FARP2: variants seen among roughly 807,000 people sequenced by gnomAD.
The protein encoded by FARP2 is FERM, ARHGEF and pleckstrin domain-containing protein 2.
In FARP2, 111 loss-of-function variants were observed where a neutral mutation model predicts 130.5. That is an observed-to-expected ratio of 0.85 (90% CI 0.73 to 1.00). FARP2 has a LOEUF of 1.00. Ranked by LOEUF, FARP2 falls within the 50% of genes least tolerant of loss-of-function variation. The pLI is 0.00. For synonymous variants in FARP2, 504 were observed against 516.9 expected (o/e 0.98, Z 0.34); for missense variants, 1,385 against 1,346.3 (o/e 1.03, Z -0.45).
intron 17 of FARP2, chr2:241,466,007 A>G: frequency 7.3e-7 from 1 of 1,360,868 alleles, no homozygotes; most frequent in Non-Finnish European, 9.5e-7. Flanking sequence ...AAATTGAAAT[A>G]TACACAAATC....
Position 241,404,609 on chromosome 2 carries a change from C to G in FARP2, c.289-190C>G, listed in dbSNP as rs540445654. ...AATTTTAACGTCTTCCCATGCTTCC[C>G]AAAGCAGGCATTGCTGTCCTTCTTG... On this transcript the variant is annotated intron_variant, in intron 3 of 26. Transcript: ENST00000264042. 7.8e-4 allele frequency among the ~76,000 whole-genome samples: 119 copies of G among 152,272 alleles called. 1 individual carries two copies. Among genetic ancestry groups the G allele is most frequent in the African/African-American group, 2.5e-3 (104 of 41,552 alleles).
intron 13 of FARP2, among the ~76,000 whole-genome samples, chr2:241,454,516 T>G (rs1281070829): frequency 2.0e-5 from 3 of 152,224 alleles, no homozygotes; most frequent in Admixed American, 1.3e-4. Context: ...CAAAGAAGAT[T>G]CTGGAACACA....
In FARP2 at chr2:241,492,992, G is replaced by A. The variant is rs753153835; in HGVS notation, c.2851G>A (p.Val951Ile). ...KNSHGWQKLW[V>I]VFTNFCLFFY... ...CAGTCATGGCTGGCAGAAGCTCTGGGTCGTCTTTACCAACTTCTGTTTGTT... is the reference window on the plus strand; with the variant it reads ...CAGTCATGGCTGGCAGAAGCTCTGGATCGTCTTTACCAACTTCTGTTTGTT... The change falls in exon 25 of 27, where the codon GTC (valine) becomes ATC (isoleucine). Residue 951 changes from valine to isoleucine, a missense_variant. Val to Ile is a conservative substitution (Grantham distance 29). Transcript: ENST00000264042. 1.2e-6 allele frequency: 2 copies of A among 1,612,582 alleles called. No individual in the cohort carries two copies. Among genetic ancestry groups the A allele is most frequent in the Non-Finnish European group, 1.7e-6 (2 of 1,178,638 alleles).
intron 26 of FARP2, 76 bp from the exon 27 acceptor site, chr2:241,493,932 C>A: frequency 2.1e-6 from 2 of 935,934 alleles, no homozygotes; most frequent in South Asian, 2.8e-5. Flanking sequence ...CTGCTTGTCC[C>A]ATATCCTGGG....
chr2:241,366,092 TAAAAAA>T (rs201202290), intron 1 of FARP2, among the ~76,000 whole-genome samples: 3 of 73,886 alleles, frequency 4.1e-5, no homozygotes, highest in South Asian at 4.5e-4. Flanking sequence ...TCATCACTAC[TAAAAAA>T]AAAAAAATAT....
Position 241,360,744 on chromosome 2 carries a change from A to C in FARP2, c.-25+4356A>C, listed in dbSNP as rs562213870. On this transcript the variant is annotated intron_variant, in intron 1 of 26. Transcript: ENST00000264042. ...ATTTGAAAAAGCTGATGAATAATGCAAATGGCTAAATTGAGAAAAATAACG... is the reference window on the plus strand; with the variant it reads ...ATTTGAAAAAGCTGATGAATAATGCCAATGGCTAAATTGAGAAAAATAACG... 6.6e-5 allele frequency among the ~76,000 whole-genome samples: 10 copies of C among 152,264 alleles called. 2 individuals are homozygous for C. The highest frequency in any genetic ancestry group is 2.4e-4 in the African/African-American group (10 of 41,548).
chr2:241,442,793 G>T, intron 13 of FARP2: 1 of 285,544 alleles, frequency 3.5e-6, no homozygotes, highest in Admixed American at 4.9e-5. Context: ...ATTAGTCTTT[G>T]TAGTTTATGT....
intron 2 of FARP2, among the ~76,000 whole-genome samples, chr2:241,382,292 ATTTTTTTT>A (rs772855102): frequency 7.9e-6 from 1 of 126,278 alleles, no homozygotes; most frequent in African/African-American, 2.9e-5. Context: ...TACAAAATCT[ATTTTTTTT>A]TTTTTTTTTT....
Position 241,483,475 on chromosome 2 carries a change from G to T in FARP2, c.2273G>T (p.Arg758Leu), listed in dbSNP as rs144542827. 6.2e-7 allele frequency: 1 copy of T among 1,614,170 alleles called. No homozygotes were observed. The highest frequency in any genetic ancestry group is 1.7e-5 in the Admixed American group (1 of 60,036). Residue 758 changes from arginine to leucine, a missense_variant, in exon 20 of 27, where the codon CGT (arginine) becomes CTT (leucine). Arg to Leu is a moderately radical substitution (Grantham distance 102, BLOSUM62 -2). Transcript: ENST00000264042. Reference protein sequence around the residue: ...NLIAPGREFIREGCLHKLTKK... With the variant: ...NLIAPGREFILEGCLHKLTKK... Reference sequence around the variant, plus strand: ...GTCTCTGTCTTTCAGGAGTTCATCCGTGAGGGCTGCCTTCACAAGCTCACC... The same window carrying T: ...GTCTCTGTCTTTCAGGAGTTCATCCTTGAGGGCTGCCTTCACAAGCTCACC...
chr2:241,385,988 CTA>C (rs1189659424), intron 2 of FARP2, among the ~76,000 whole-genome samples: 1 of 152,190 alleles, frequency 6.6e-6, no homozygotes, highest in Non-Finnish European at 1.5e-5. Flanking sequence ...AATGTCAACA[CTA>C]TGGTTATTTG....
intron 2 of FARP2, among the ~76,000 whole-genome samples, chr2:241,398,603 T>C (rs2062087103): frequency 6.6e-6 from 1 of 151,762 alleles, no homozygotes; most frequent in South Asian, 2.1e-4. Context: ...AGAGTCTTGC[T>C]TTGTCTCCCA....
chr2:241,438,087 G>A (rs1297381088), intron 12 of FARP2, among the ~76,000 whole-genome samples: 4 of 152,172 alleles, frequency 2.6e-5, no homozygotes, highest in Admixed American at 2.0e-4. Flanking sequence ...TGGATTATAG[G>A]CATGAGCCAC....
intron 1 of FARP2, among the ~76,000 whole-genome samples, chr2:241,360,153 T>C (rs2061155637): frequency 1.3e-5 from 2 of 152,156 alleles, no homozygotes; most frequent in Non-Finnish European, 2.9e-5. Flanking sequence ...TTTTCTCTCT[T>C]AGGAACTCCT....
intron 8 of FARP2, among the ~76,000 whole-genome samples, chr2:241,425,477 A>G (rs2062910868): frequency 6.6e-6 from 1 of 152,040 alleles, no homozygotes; most frequent in Non-Finnish European, 1.5e-5. Context: ...ACTCCCAGGA[A>G]GAAGAGAGAA....
chr2:241,484,456 C>A, intron 21 of FARP2, 125 bp downstream of exon 21: 1 of 738,670 alleles, frequency 1.4e-6, no homozygotes. Flanking sequence ...GAGTATTTGG[C>A]CGCACTGGGA....
chr2:241,463,199 G>T, intron 15 of FARP2, 136 bp from the exon 16 acceptor site: 1 of 814,682 alleles, frequency 1.2e-6, no homozygotes. Flanking sequence ...TGGCTGTAGT[G>T]CTGATCTGAA....
At chr2:241,493,874 G>A in intron 26 of FARP2, 134 bp from the exon 27 acceptor site, 1 of 571,770 alleles carries the variant, frequency 1.7e-6, no homozygotes, top group Non-Finnish European at 3.1e-6. Context: ...TGGGATTATA[G>A]GCATGAGCCA....
chr2:241,391,789 C>G lies in FARP2; in HGVS notation c.184-12039C>G, dbSNP rs893820441. On this transcript the variant is annotated intron_variant, in intron 2 of 26. Coordinates refer to ENST00000264042, the MANE Select transcript of FARP2 (RefSeq NM_014808.4). ...TTTCTCCCCACTCTTGGGGAAGAACCCTTTTTCCCAAGCTCAAGATGTTAA... is the reference window on the plus strand; with the variant it reads ...TTTCTCCCCACTCTTGGGGAAGAACGCTTTTTCCCAAGCTCAAGATGTTAA... Among the ~76,000 whole-genome samples, 5 of 152,068 alleles carry G rather than the reference C, an allele frequency of 3.3e-5. No homozygotes were observed. The East Asian group carries it at 7.7e-4, about 23-fold the overall frequency.
chr2:241,464,863 T>C (rs1232851160), intron 17 of FARP2, among the ~76,000 whole-genome samples: 1 of 152,074 alleles, frequency 6.6e-6, no homozygotes, highest in Non-Finnish European at 1.5e-5. Context: ...GAAAAGAGTC[T>C]GGCTCAGGGC....
Sources: allele counts gnomAD v4.1 joint callset (sites outside exome capture counted in the v4.1 genomes callset), GRCh38; gene constraint gnomAD v4.1.1; transcripts MANE v1.5; gene names NCBI Gene and HGNC (gene_info 2026-07-23, HGNC 2026-07-21).